VCAM1: variants seen among roughly 807,000 people sequenced by gnomAD.
VCAM1 encodes the protein vascular cell adhesion protein 1.
In VCAM1, 41 loss-of-function variants were observed where a neutral mutation model predicts 63.8. That is an observed-to-expected ratio of 0.64 (90% confidence interval 0.50 to 0.83). VCAM1 has a LOEUF of 0.83. Ranked by LOEUF, VCAM1 falls within the 40% of genes least tolerant of loss-of-function variation. VCAM1 has a pLI of 0.00. For synonymous variants in VCAM1, 338 were observed against 320.7 expected, an observed-to-expected ratio of 1.05 and a Z score of -0.58; for missense variants, 798 against 875.5, an observed-to-expected ratio of 0.91 and a Z score of 1.12.
At position 100,734,675 on chromosome 1, in the gene VCAM1, C is replaced by T. The variant is rs1326658156; in HGVS notation, c.1966C>T (p.Arg656Ter). 2.5e-6 allele frequency: 4 copies of T among 1,613,926 alleles called. No homozygotes were observed. The highest frequency in any genetic ancestry group is 3.4e-6 in the Non-Finnish European group (4 of 1,179,916). Residue 656 changes from arginine (R) to a stop codon, truncating the protein, a stop_gained, in exon 8 of 9, where the codon CGA becomes TGA. Coordinates refer to ENST00000294728, the MANE Select transcript of VCAM1 (RefSeq NM_001078.4). LOFTEE classifies it high-confidence loss of function. ...ATCTATAGATGGCGCCTATACCATC[C>T]GAAAGGCCCAGTTGAAGGATGCGGG... ...LKSIDGAYTI[R>*]KAQLKDAGVY...
chr1:100,735,042 C>T (rs1660600789), intron 8 of VCAM1: 1 of 374,760 alleles, frequency 2.7e-6, no homozygotes, highest in Non-Finnish European at 4.8e-6. Flanking sequence ...AATGTTTAAC[C>T]ATATTTTCAA....
rs761041789 is a variant in VCAM1 at position 100,724,873 on chromosome 1, T to C, written c.911T>C (p.Val304Ala). 9.3e-6 allele frequency: 15 copies of C among 1,612,406 alleles called. No homozygotes were observed. Among genetic ancestry groups the C allele is most frequent in the Non-Finnish European group, 1.2e-5 (14 of 1,179,050 alleles). Residue 304 changes from valine (V) to alanine (A), a missense_variant, in exon 4 of 9, where the codon GTG (valine) becomes GCG (alanine). Physicochemically the swap from Val to Ala is moderately conservative, Grantham distance 64 (BLOSUM62 0). Transcript: ENST00000294728. ...TTGATTGGGAAAAACAGAAAAGAGG[T>C]GGAATTAATTGTTCAAGGTGAGTAG... ...VNLIGKNRKE[V>A]ELIVQEKPFT...
rs373148277 is a variant in VCAM1 at position 100,720,304 on chromosome 1, A to G, written c.65-172A>G. ...AATTCTCTCTACTGAAGATGATTCC[A>G]TAAACTTTTTTGGCAGTGACTTCGG... On this transcript the variant is annotated intron_variant, in intron 1 of 8. Transcript: ENST00000294728. Among the ~76,000 whole-genome samples the G allele has an allele frequency of 2.8e-4, 43 of 152,258 alleles. No homozygotes were observed. In the East Asian group the frequency reaches 6.0e-3, roughly 21 times the overall value.
chr1:100,732,182 A>G (rs899897598), intron 6 of VCAM1, among the ~76,000 whole-genome samples: 2 of 152,154 alleles, frequency 1.3e-5, no homozygotes, highest in Admixed American at 1.3e-4. Context: ...CTTTGGTTGC[A>G]AGGAAGTGTA....
chr1:100,721,095 GC>G (rs746633473), intron 2 of VCAM1, among the ~76,000 whole-genome samples: 2 of 152,064 alleles, frequency 1.3e-5, no homozygotes, highest in East Asian at 3.9e-4. Flanking sequence ...ATGTTTACTT[GC>G]TTATGTGTCT....
At chr1:100,720,779 T>TC (rs1030248535) in intron 2 of VCAM1, 28 bp downstream of exon 2, 2 of 1,563,188 alleles carry the variant, frequency 1.3e-6, no homozygotes, top group African/African-American at 2.8e-5. Flanking sequence ...TCTTTGTTTT[T>TC]CTCTCAATTT....
At chr1:100,727,076 T>C (rs1480485052) in intron 4 of VCAM1, among the ~76,000 whole-genome samples, 1 of 150,930 alleles carries the variant, frequency 6.6e-6, no homozygotes, top group Non-Finnish European at 1.5e-5. Context: ...TGTGTGTGTG[T>C]GTGAATGTTT....
At chr1:100,726,688 T>G (rs1660172560) in intron 4 of VCAM1, among the ~76,000 whole-genome samples, 1 of 152,074 alleles carries the variant, frequency 6.6e-6, no homozygotes, top group South Asian at 2.1e-4. Context: ...TAAGAGCCCT[T>G]GTCCAAGAAT....
intron 7 of VCAM1, 49 bp downstream of exon 7, chr1:100,732,733 T>C: frequency 1.3e-6 from 2 of 1,496,592 alleles, no homozygotes; most frequent in Non-Finnish European, 1.8e-6. Flanking sequence ...ATGTTTTTGG[T>C]TATGTTACTG....
chr1:100,732,905 G>A (rs1364491801), intron 7 of VCAM1, among the ~76,000 whole-genome samples: 1 of 152,198 alleles, frequency 6.6e-6, no homozygotes, highest in African/African-American at 2.4e-5. Flanking sequence ...AAACTCAAGT[G>A]AAATGCAAGC....
chr1:100,727,808 T>C (rs1660228198), intron 4 of VCAM1, among the ~76,000 whole-genome samples: 1 of 152,112 alleles, frequency 6.6e-6, no homozygotes, highest in Non-Finnish European at 1.5e-5. Context: ...TGAGCTCTCT[T>C]TCAAAATCTA....
At chr1:100,720,045 A>C in intron 1 of VCAM1, 121 bp downstream of exon 1, 1 of 1,037,458 alleles carries the variant, frequency 9.6e-7, no homozygotes, top group East Asian at 2.6e-5. Flanking sequence ...CAGTAGGAAA[A>C]GTTAATTTAG....
At chr1:100,734,183 G>A (rs773279920) in intron 7 of VCAM1, among the ~76,000 whole-genome samples, 4 of 152,146 alleles carry the variant, frequency 2.6e-5, no homozygotes, top group Non-Finnish European at 4.4e-5. Flanking sequence ...CCCTCAAAAC[G>A]TGAGGATTAC....
At chr1:100,730,835 C>T (rs200751259) in intron 5 of VCAM1, among the ~76,000 whole-genome samples, 1 of 151,958 alleles carries the variant, frequency 6.6e-6, no homozygotes, top group Admixed American at 6.6e-5. Flanking sequence ...AAGTATTCAA[C>T]ATAACATGGC....
intron 7 of VCAM1, among the ~76,000 whole-genome samples, chr1:100,733,002 A>G (rs1660517660): frequency 6.6e-6 from 1 of 152,194 alleles, no homozygotes; most frequent in African/African-American, 2.4e-5. Context: ...GAATATCTGC[A>G]TTTGGGATTA....
rs779332176 is a variant in VCAM1 at position 100,734,674 on chromosome 1, C to T, written c.1965C>T (p.Ile655=). 1 of 1,613,986 alleles carries T rather than the reference C, an allele frequency of 6.2e-7. No individual in the cohort carries two copies. The highest frequency in any genetic ancestry group is 1.1e-5 in the South Asian group (1 of 91,078). ...VLKSIDGAYT[I]RKAQLKDAGV... ...AATCTATAGATGGCGCCTATACCAT[C>T]CGAAAGGCCCAGTTGAAGGATGCGG... is the stretch of plus-strand genomic sequence containing the variant. Residue 655 remains isoleucine, a synonymous_variant, in exon 8 of 9, where the codon ATC becomes ATT. Transcript: ENST00000294728.
At chr1:100,728,799 C>A (rs1660275253) in intron 4 of VCAM1, among the ~76,000 whole-genome samples, 1 of 151,500 alleles carries the variant, frequency 6.6e-6, no homozygotes, top group African/African-American at 2.4e-5. Context: ...ATTGTCCACT[C>A]TTACAGTGAT....
intron 5 of VCAM1, among the ~76,000 whole-genome samples, chr1:100,730,080 T>C (rs1297563329): frequency 6.6e-6 from 1 of 152,088 alleles, no homozygotes; most frequent in African/African-American, 2.4e-5. Flanking sequence ...AAAGTGACCA[T>C]AAAGTTATTT....
rs984618035 is a variant in VCAM1 at position 100,724,961 on chromosome 1, C to T, written c.928+71C>T. On this transcript the variant is annotated intron_variant, in intron 4 of 8. Transcript: ENST00000294728. ...ATTTGAGCAATAGTCAACACAGCTT[C>T]AATGCTGAAATTGCTTCCCTTAGTT... 21 of 1,555,206 alleles carry T rather than the reference C, an allele frequency of 1.4e-5. No homozygotes were observed. The African/African-American group carries it at 2.7e-4, about 20-fold the overall frequency.
Sources: allele counts gnomAD v4.1 joint callset (sites outside exome capture counted in the v4.1 genomes callset), GRCh38; gene constraint gnomAD v4.1.1; transcripts MANE v1.5; gene names NCBI Gene and HGNC (gene_info 2026-07-23, HGNC 2026-07-21).